C9orf72: variants seen among roughly 807,000 people sequenced by gnomAD.
The protein encoded by C9orf72 is C9orf72-SMCR8 complex subunit.
Under a neutral mutation model 51.6 loss-of-function variants are expected in C9orf72, and 44 were observed. The ratio of observed to expected loss-of-function variants is 0.85; its 90% CI spans 0.67 to 1.10. The LOEUF is 1.10. Ranked by LOEUF, C9orf72 falls within the 50% of genes least tolerant of loss-of-function variation. The pLI is 0.00. For missense variants in C9orf72, 607 were observed against 570.6 expected, an observed-to-expected ratio of 1.06 and a Z score of -0.65; for synonymous variants, 213 against 194.2, an observed-to-expected ratio of 1.10 and a Z score of -0.81.
Position 27,548,229 on chromosome 9 carries a change from T to C in C9orf72, c.*7A>G. The C allele has an allele frequency of 1.9e-6, 3 of 1,598,810 alleles. No homozygotes were observed. Among genetic ancestry groups the C allele is most frequent in the South Asian group, 2.2e-5 (2 of 89,460 alleles). On this transcript the variant is annotated 3_prime_UTR_variant, in exon 11 of 11. Coordinates refer to ENST00000380003, the MANE Select transcript of C9orf72 (RefSeq NM_018325.5). Reference sequence around the variant, plus strand: ...TTGTGATGGAATAGGCTTATTAAGTTACACATTTAAAAAGTCATTAGAACA... The same window carrying C: ...TTGTGATGGAATAGGCTTATTAAGTCACACATTTAAAAAGTCATTAGAACA...
At position 27,556,486 on chromosome 9, in the gene C9orf72, T is replaced by C. The variant is rs535490156; in HGVS notation, c.1091+75A>G. On this transcript the variant is annotated intron_variant, in intron 8 of 10. Coordinates refer to ENST00000380003, the MANE Select transcript of C9orf72 (RefSeq NM_018325.5). The stretch of plus-strand genomic sequence containing the variant: ...TTTCTTTCTTTTTAAATGCAACTTC[T>C]GTTTTGTTTTTATTCGTAAAAGACA... 4.4e-5 allele frequency: 41 copies of C among 939,326 alleles called. No homozygotes were observed. The Admixed American group carries it at 6.7e-4, about 15-fold the overall frequency. The allele number at this position is 939,326 out of a possible 1,614,324, so 58.2% of individuals were successfully genotyped here.
rs777272230 is a variant in C9orf72 at position 27,546,799 on chromosome 9, T to C, written c.*1437A>G. 1 of 152,142 alleles carries C rather than the reference T, an allele frequency of 6.6e-6. No homozygotes were observed. The highest frequency in any genetic ancestry group is 1.5e-5 in the Non-Finnish European group (1 of 68,024). The allele number at this position is 152,142 out of a possible 1,614,324, so 9.4% of individuals were successfully genotyped here. On this transcript the variant is annotated 3_prime_UTR_variant, in exon 11 of 11. Coordinates refer to ENST00000380003, the MANE Select transcript of C9orf72 (RefSeq NM_018325.5). ...GAGCTACAGTACAACAGTCATCTAG[T>C]TCAGTGGTTGTCTAAAACATCAAGC...
At position 27,552,107 on chromosome 9, in the gene C9orf72, A is replaced by G. The variant is rs139090111; in HGVS notation, c.1092-1400T>C. The stretch of plus-strand genomic sequence containing the variant: ...ACTGCCTGCAAACAGAAATAGTTTG[A>G]CTTCTTCTCTTCCTATCTGAATGTC... On this transcript the variant is annotated intron_variant, in intron 8 of 10. Coordinates refer to ENST00000380003, the MANE Select transcript of C9orf72 (RefSeq NM_018325.5). Among the ~76,000 whole-genome samples the G allele has an allele frequency of 6.0e-4, 92 of 152,240 alleles. No homozygotes were observed. The East Asian group carries it at 0.017, about 28-fold the overall frequency.
At chr9:27,570,792 G>A (rs867315632) in intron 1 of C9orf72, among the ~76,000 whole-genome samples, 10 of 152,066 alleles carry the variant, frequency 6.6e-5, no homozygotes, top group African/African-American at 1.2e-4. Flanking sequence ...TCTTGAACCC[G>A]GAGGTGGCAG....
intron 1 of C9orf72, among the ~76,000 whole-genome samples, chr9:27,572,814 G>A (rs759775466): frequency 6.6e-6 from 1 of 152,220 alleles, no homozygotes; most frequent in Non-Finnish European, 1.5e-5. Context: ...CTTTAAGCAA[G>A]TCTGTGTCAT....
chr9:27,552,773 T>C (rs1312520208), intron 8 of C9orf72, among the ~76,000 whole-genome samples: 2 of 152,170 alleles, frequency 1.3e-5, no homozygotes, highest in East Asian at 3.8e-4. Flanking sequence ...TCACACTTAT[T>C]GATTTGTGTA....
At chr9:27,550,403 T>C (rs565745256) in intron 9 of C9orf72, among the ~76,000 whole-genome samples, 3 of 152,198 alleles carry the variant, frequency 2.0e-5, no homozygotes, top group Admixed American at 2.0e-4. Context: ...TATTATATTG[T>C]AAACAAAGGT....
intron 8 of C9orf72, among the ~76,000 whole-genome samples, chr9:27,552,312 G>C (rs181116720): frequency 6.6e-6 from 1 of 151,548 alleles, no homozygotes; most frequent in Non-Finnish European, 1.5e-5. Flanking sequence ...TTTTTTTGAG[G>C]CATGTTCCTT....
chr9:27,546,677 A>C lies in C9orf72; in HGVS notation c.*1559T>G, dbSNP rs1174744055. 1 of 152,208 alleles carries C rather than the reference A, an allele frequency of 6.6e-6. No homozygotes were observed. The highest frequency in any genetic ancestry group is 1.5e-5 in the Non-Finnish European group (1 of 68,018). 9.4% of individuals were successfully genotyped at this position (152,208 alleles called of 1,614,324 possible). ...GTATAACAGTACAATAAACCAGCCAAAGAAAATAACCAGTTAGCACTTAAA... is the reference window on the plus strand; with the variant it reads ...GTATAACAGTACAATAAACCAGCCACAGAAAATAACCAGTTAGCACTTAAA... On this transcript the variant is annotated 3_prime_UTR_variant, in exon 11 of 11. Transcript: ENST00000380003.
chr9:27,548,278 G>A lies in C9orf72; in HGVS notation c.1404C>T (p.Phe468=), dbSNP rs141063383. The change falls in exon 11 of 11, where the codon TTC becomes TTT. Residue 468 remains phenylalanine, a synonymous_variant. Transcript: ENST00000380003. ...GLHSFIFGRP[F]YTSVQERDVL... ...CATCTCGTTCTTGCACACTAGTGTA[G>A]AAAGGTCTTCCAAAGATAAAAGAGT... The A allele has an allele frequency of 4.0e-3, 6,456 of 1,612,814 alleles. 12 individuals carry two copies. The highest frequency in any genetic ancestry group is 4.6e-3 in the Non-Finnish European group (5,471 of 1,179,348).
At chr9:27,555,835 T>C (rs1327592064) in intron 8 of C9orf72, among the ~76,000 whole-genome samples, 1 of 152,156 alleles carries the variant, frequency 6.6e-6, no homozygotes, top group East Asian at 1.9e-4. Context: ...AGCTCTGTTC[T>C]TACAGGCATG....
At chr9:27,566,500 T>C (rs1819469414) in intron 2 of C9orf72, among the ~76,000 whole-genome samples, 177 bp downstream of exon 2, 1 of 152,202 alleles carries the variant, frequency 6.6e-6, no homozygotes, top group Non-Finnish European at 1.5e-5. Flanking sequence ...ACAGTTAATA[T>C]GAAGATGACA....
chr9:27,569,538 C>T (rs1041076835), intron 1 of C9orf72, among the ~76,000 whole-genome samples: 3 of 152,174 alleles, frequency 2.0e-5, no homozygotes, highest in Non-Finnish European at 2.9e-5. Context: ...AACAGTTGTA[C>T]AGGTTTGTGG....
At position 27,547,564 on chromosome 9, in the gene C9orf72, T is replaced by C. The variant is rs2131525628; in HGVS notation, c.*672A>G. 6.5e-6 allele frequency: 1 copy of C among 152,694 alleles called. No individual in the cohort carries two copies. Among genetic ancestry groups the C allele is most frequent in the East Asian group, 1.9e-4 (1 of 5,184 alleles). 9.5% of individuals were successfully genotyped at this position (152,694 alleles called of 1,614,324 possible). ...GCTCAACTACATAGAATATCAACAATAGCAAGAACAATAAAATAAACAAAA... is the reference window on the plus strand; with the variant it reads ...GCTCAACTACATAGAATATCAACAACAGCAAGAACAATAAAATAAACAAAA... On this transcript the variant is annotated 3_prime_UTR_variant, in exon 11 of 11. Transcript: ENST00000380003.
chr9:27,547,819 T>G lies in C9orf72; in HGVS notation c.*417A>C, dbSNP rs538212249. Reference sequence around the variant, plus strand: ...AGTTTTCAGTTGATTGCAGAAGTATTACAGTAATTCTACACACCAAAGAAT... The same window carrying G: ...AGTTTTCAGTTGATTGCAGAAGTATGACAGTAATTCTACACACCAAAGAAT... On this transcript the variant is annotated 3_prime_UTR_variant, in exon 11 of 11. Coordinates refer to ENST00000380003, the MANE Select transcript of C9orf72 (RefSeq NM_018325.5). 6.5e-6 allele frequency: 1 copy of G among 153,316 alleles called. No homozygotes were observed. The highest frequency in any genetic ancestry group is 2.1e-4 in the South Asian group (1 of 4,832). The allele number at this position is 153,316 out of a possible 1,614,324, so 9.5% of individuals were successfully genotyped here. A position where few individuals can be genotyped will look rare whatever the true frequency, so the allele number is the denominator to read the frequency against.
In C9orf72 at chr9:27,561,661, C is replaced by CA. The variant is rs761230941; in HGVS notation, c.601-13dup. Reference sequence around the variant, plus strand: ...ACTGTATCAGCTATCTAAAATGCATCAAAAAATAAAAAAATTAGTCTGGCT... The same window carrying CA: ...ACTGTATCAGCTATCTAAAATGCATCAAAAAAATAAAAAAATTAGTCTGGCT... On this transcript the variant is annotated splice_polypyrimidine_tract_variant and intron_variant, in intron 4 of 10. Coordinates refer to ENST00000380003, the MANE Select transcript of C9orf72 (RefSeq NM_018325.5). The CA allele has an allele frequency of 1.3e-6, 2 of 1,533,116 alleles. No homozygotes were observed. Among genetic ancestry groups the CA allele is most frequent in the South Asian group, 1.2e-5 (1 of 85,474 alleles). 95.0% of individuals were successfully genotyped at this position (1,533,116 alleles called of 1,614,324 possible).
intron 5 of C9orf72, chr9:27,560,722 A>T: frequency 1.0e-6 from 1 of 986,244 alleles, no homozygotes; most frequent in Non-Finnish European, 1.2e-6. Flanking sequence ...GGTTAAACAC[A>T]CTCATGCCTC....
intron 1 of C9orf72, among the ~76,000 whole-genome samples, chr9:27,573,038 G>A (rs1317185411): frequency 6.6e-6 from 1 of 152,174 alleles, no homozygotes; most frequent in Non-Finnish European, 1.5e-5. Flanking sequence ...CGCAGAAGCC[G>A]CGCGCCGCCC....
At chr9:27,568,203 C>T (rs533960261) in intron 1 of C9orf72, among the ~76,000 whole-genome samples, 3 of 151,842 alleles carry the variant, frequency 2.0e-5, no homozygotes, top group East Asian at 1.9e-4. Flanking sequence ...TACTGAAGCC[C>T]GATCCTGATG....
Sources: gnomAD v4.1 joint callset for allele counts (sites outside exome capture counted in the v4.1 genomes callset) on GRCh38, gnomAD v4.1.1 for gene constraint, MANE v1.5 for transcripts, NCBI Gene and HGNC (gene_info 2026-07-23, HGNC 2026-07-21) for gene names.